The following MTUS2 variants were observed in gnomAD, a reference collection of about 807,000 sequenced individuals.
The protein encoded by MTUS2 is microtubule-associated tumor suppressor candidate 2.
MTUS2 carries 40 observed loss-of-function variants against 114.1 expected under a neutral mutation model. The ratio of observed to expected loss-of-function variants is 0.35; its 90% CI spans 0.27 to 0.46. The LOEUF (loss-of-function observed/expected upper bound fraction) is 0.46. Ranked by LOEUF, MTUS2 falls within the 20% of genes least tolerant of loss-of-function variation. The pLI is 1.00. For missense variants in MTUS2, 1,679 were observed against 1,705.4 expected, an observed-to-expected ratio of 0.98 and a Z score of 0.27; for synonymous variants, 688 against 672.0, an observed-to-expected ratio of 1.02 and a Z score of -0.37.
chr13:28,981,837 A>G lies in MTUS2; in HGVS notation c.-242-42620A>G, dbSNP rs576105454. 2.0e-3 allele frequency among the ~76,000 whole-genome samples: 304 copies of G among 152,288 alleles called. 2 individuals are homozygous for G. The highest frequency in any genetic ancestry group is 1.6e-3 in the Non-Finnish European group (108 of 68,020). On this transcript the variant is annotated intron_variant, in intron 2 of 15. Transcript: ENST00000612955. ...TAGGGATCTTGCAGATGCTAAGGTC[A>G]GGGGTTCAGGATGAGTGCGGCCCAC...
chr13:29,282,914 A>G (rs759518407), intron 6 of MTUS2, among the ~76,000 whole-genome samples: 1 of 152,206 alleles, frequency 6.6e-6, no homozygotes, highest in Non-Finnish European at 1.5e-5. Context: ...TGGATATGCC[A>G]TGATTTATTC....
intron 2 of MTUS2, among the ~76,000 whole-genome samples, chr13:29,011,525 C>T (rs986102499): frequency 6.6e-6 from 1 of 152,198 alleles, no homozygotes; most frequent in African/African-American, 2.4e-5. Context: ...AGCAATCTTA[C>T]TCATTTATCT....
chr13:29,026,488 T>A lies in MTUS2; in HGVS notation c.1790T>A (p.Ile597Asn). ...VPDKNTCPSG[I>N]PKPVFTHSKD... ...GACAAGAACACTTGCCCCAGTGGGA[T>A]CCCCAAGCCTGTCTTCACACATTCC... The change falls in exon 3 of 16, where the codon ATC becomes AAC. Residue 597 changes from isoleucine to asparagine, a missense_variant. Transcript: ENST00000612955. 1.9e-6 allele frequency: 3 copies of A among 1,613,844 alleles called. No homozygotes were observed. The highest frequency in any genetic ancestry group is 2.5e-6 in the Non-Finnish European group (3 of 1,179,866).
intron 5 of MTUS2, among the ~76,000 whole-genome samples, chr13:29,217,156 C>T (rs1895713746): frequency 6.6e-6 from 1 of 152,104 alleles, no homozygotes; most frequent in Non-Finnish European, 1.5e-5. Context: ...CAGTTTTGTG[C>T]CTGTGTTTTA....
At chr13:29,383,242 G>GTATATATATATATATATATATTTA (rs1315060468) in intron 8 of MTUS2, among the ~76,000 whole-genome samples, 9 of 28,618 alleles carry the variant, frequency 3.1e-4, no homozygotes, top group African/African-American at 5.3e-4. Context: ...GTGTGTGTGT[G>GTATATATATATATATATATATTTA]TGTGTGTGTG....
chr13:29,440,088 C>T (rs1277619265), intron 9 of MTUS2, 39 bp downstream of exon 9: 1 of 1,543,708 alleles, frequency 6.5e-7, no homozygotes. Context: ...TAAAGAATGT[C>T]TTTTCCTGAT....
intron 5 of MTUS2, among the ~76,000 whole-genome samples, chr13:29,163,089 A>T (rs1893169535): frequency 1.3e-5 from 2 of 151,996 alleles, no homozygotes; most frequent in Non-Finnish European, 2.9e-5. Flanking sequence ...CAGGGTGGAG[A>T]ATAGGGTGGG....
In MTUS2 at chr13:29,009,779, G is replaced by A. The variant is rs182449274; in HGVS notation, c.-242-14678G>A. ...TTTTTAGTGCCTTTTTTCATTTCAA[G>A]TCTTTCTTACATATTTGGTCATTTT... On this transcript the variant is annotated intron_variant, in intron 2 of 15. Coordinates refer to ENST00000612955, the MANE Select transcript of MTUS2 (RefSeq NM_001033602.4). Among the ~76,000 whole-genome samples the A allele has an allele frequency of 1.6e-3, 245 of 152,092 alleles. 1 individual carries two copies. The highest frequency in any genetic ancestry group is 5.7e-3 in the African/African-American group (235 of 41,476).
chr13:29,286,672 G>GTCTGTCTATCTA (rs577593135), intron 6 of MTUS2, among the ~76,000 whole-genome samples: 3 of 110,922 alleles, frequency 2.7e-5, no homozygotes, highest in Non-Finnish European at 5.8e-5. Flanking sequence ...CTGTCTGTCT[G>GTCTGTCTATCTA]TCTATCTATC....
chr13:29,022,605 G>A (rs138426482), intron 2 of MTUS2, among the ~76,000 whole-genome samples: 1 of 152,370 alleles, frequency 6.6e-6, no homozygotes, highest in East Asian at 1.9e-4. Flanking sequence ...AGCCTCACAT[G>A]TGGTGTGCAC....
At chr13:28,894,347 AGAGT>A (rs1262013602) in intron 2 of MTUS2, among the ~76,000 whole-genome samples, 20 of 92,314 alleles carry the variant, frequency 2.2e-4, no homozygotes, top group African/African-American at 8.4e-4. Flanking sequence ...AGAGAGAGAG[AGAGT>A]GAGAGTGAGA....
chr13:29,449,787 G>T (rs1441730597), intron 9 of MTUS2, among the ~76,000 whole-genome samples: 1 of 152,090 alleles, frequency 6.6e-6, no homozygotes, highest in Non-Finnish European at 1.5e-5. Context: ...GTATAAATCT[G>T]TCCAAACATG....
intron 8 of MTUS2, among the ~76,000 whole-genome samples, chr13:29,407,319 TGTCAA>T (rs1485311828): frequency 6.6e-6 from 1 of 152,132 alleles, no homozygotes; most frequent in Non-Finnish European, 1.5e-5. Flanking sequence ...TTTTTAAACA[TGTCAA>T]GTTGTGCACC....
chr13:29,323,908 A>T (rs1274216259), intron 6 of MTUS2, among the ~76,000 whole-genome samples: 1 of 152,186 alleles, frequency 6.6e-6, no homozygotes, highest in East Asian at 1.9e-4. Flanking sequence ...TGATTTCGCT[A>T]ATCTCACATC....
At chr13:28,944,698 A>G (rs1430579054) in intron 2 of MTUS2, among the ~76,000 whole-genome samples, 1 of 152,120 alleles carries the variant, frequency 6.6e-6, no homozygotes, top group Non-Finnish European at 1.5e-5. Context: ...GAAAATTGGA[A>G]CTCATCCTTG....
intron 5 of MTUS2, among the ~76,000 whole-genome samples, chr13:29,240,927 GA>G (rs1399610294): frequency 6.6e-6 from 1 of 151,982 alleles, no homozygotes; most frequent in Non-Finnish European, 1.5e-5. Flanking sequence ...TTATAAAAAA[GA>G]AAAATTATAT....
chr13:29,279,338 C>T (rs764438649), intron 5 of MTUS2, among the ~76,000 whole-genome samples: 76 of 152,098 alleles, frequency 5.0e-4, no homozygotes, highest in Non-Finnish European at 9.1e-4. Flanking sequence ...AGGCTGGAGT[C>T]GGTTCAGATT....
At chr13:28,824,070 A>G (rs1358769977) in intron 1 of MTUS2, among the ~76,000 whole-genome samples, 2 of 152,150 alleles carry the variant, frequency 1.3e-5, no homozygotes, top group African/African-American at 4.8e-5. Flanking sequence ...CAGCCAAACC[A>G]TATAACATGG....
At chr13:29,155,516 G>A (rs969096320) in intron 5 of MTUS2, among the ~76,000 whole-genome samples, 5 of 152,150 alleles carry the variant, frequency 3.3e-5, no homozygotes, top group Admixed American at 3.3e-4. Flanking sequence ...GGGAAGAGCA[G>A]GGTGGAGAGA....
Sources: allele counts gnomAD v4.1 joint callset (sites outside exome capture counted in the v4.1 genomes callset), GRCh38; gene constraint gnomAD v4.1.1; transcripts MANE v1.5; gene names NCBI Gene and HGNC (gene_info 2026-07-23, HGNC 2026-07-21).